Variants in GRIK2 observed in about 807,000 individuals in gnomAD.
GRIK2 encodes the protein glutamate ionotropic receptor kainate type subunit 2.
GRIK2 carries 32 observed loss-of-function variants against 100.3 expected under a neutral mutation model. The ratio of observed to expected loss-of-function variants is 0.32; its 90% CI spans 0.24 to 0.43. GRIK2 has a LOEUF of 0.43. Among genes scored for constraint, GRIK2 ranks in the 20% least tolerant of loss-of-function variants. GRIK2 has a pLI of 1.00. For synonymous variants in GRIK2, 417 were observed against 389.4 expected (o/e 1.07, Z -0.83); for missense variants, 843 against 1,114.9 (o/e 0.76, Z 3.47).
chr6:101,579,825 T>A (rs1777982641), intron 2 of GRIK2, among the ~76,000 whole-genome samples: 1 of 145,050 alleles, frequency 6.9e-6, no homozygotes, highest in Non-Finnish European at 1.5e-5. Flanking sequence ...AACTCCAACC[T>A]GGCAACAGAG....
At chr6:102,064,377 TCTTTCTTTC>T (rs1167231123) in intron 16 of GRIK2, among the ~76,000 whole-genome samples, 2 of 146,796 alleles carry the variant, frequency 1.4e-5, no homozygotes, top group East Asian at 3.9e-4. Context: ...TTTCTTTCTT[TCTTTCTTTC>T]CTTTCTCTCT....
intron 11 of GRIK2, among the ~76,000 whole-genome samples, chr6:101,871,788 A>C (rs1023363734): frequency 3.3e-5 from 5 of 151,978 alleles, no homozygotes; most frequent in African/African-American, 1.2e-4. Flanking sequence ...GTTGATGAGC[A>C]CCTGGGTTGA....
intron 7 of GRIK2, among the ~76,000 whole-genome samples, chr6:101,747,444 A>G (rs1246922702): frequency 2.6e-5 from 4 of 152,208 alleles, no homozygotes; most frequent in Non-Finnish European, 2.9e-5. Flanking sequence ...TCTACATAAA[A>G]TTTACTCATT....
At chr6:101,748,355 A>G (rs1212179587) in intron 7 of GRIK2, among the ~76,000 whole-genome samples, 15 of 152,172 alleles carry the variant, frequency 9.9e-5, no homozygotes, top group Non-Finnish European at 4.4e-5. Flanking sequence ...TAGTAGTGAT[A>G]AAATTTGTAT....
intron 4 of GRIK2, among the ~76,000 whole-genome samples, chr6:101,629,803 T>C (rs1780637348): frequency 6.6e-6 from 1 of 152,092 alleles, no homozygotes; most frequent in African/African-American, 2.4e-5. Context: ...TGGGTACAAC[T>C]GAACCAATCA....
chr6:101,735,151 C>A (rs570967342), intron 7 of GRIK2, among the ~76,000 whole-genome samples: 51 of 152,148 alleles, frequency 3.4e-4, no homozygotes, highest in South Asian at 2.9e-3. Flanking sequence ...GGTCTGAGGT[C>A]CAGAGGTGTA....
At chr6:101,920,210 G>A (rs372823682) in intron 12 of GRIK2, among the ~76,000 whole-genome samples, 4 of 151,820 alleles carry the variant, frequency 2.6e-5, no homozygotes, top group Non-Finnish European at 2.9e-5. Context: ...GTGGTTAAGC[G>A]TCTCTAATGA....
intron 7 of GRIK2, among the ~76,000 whole-genome samples, chr6:101,758,322 G>T (rs1167067428): frequency 6.6e-6 from 1 of 152,108 alleles, no homozygotes; most frequent in Non-Finnish European, 1.5e-5. Context: ...ATTTTTTTCA[G>T]TGTATTTCAG....
At chr6:101,722,691 T>C (rs2128366235) in intron 7 of GRIK2, among the ~76,000 whole-genome samples, 1 of 152,162 alleles carries the variant, frequency 6.6e-6, no homozygotes, top group Middle Eastern at 3.4e-3. Context: ...TTGAAATGTG[T>C]TTTTGTTAGG....
chr6:101,664,187 A>C (rs570960716), intron 4 of GRIK2, among the ~76,000 whole-genome samples: 11 of 152,176 alleles, frequency 7.2e-5, no homozygotes, highest in Non-Finnish European at 1.5e-4. Context: ...TGACAAATAC[A>C]ACTGCTTTTT....
chr6:101,626,445 G>A lies in GRIK2; in HGVS notation c.349G>A (p.Ala117Thr), dbSNP rs766548594. The change falls in exon 4 of 17, where the codon GCA (alanine) becomes ACA (threonine). Residue 117 changes from alanine to threonine, a missense_variant. Around this residue, in one of 3 missense-constraint regions of GRIK2, gnomAD observed 519 missense variants for 643.8 expected, o/e 0.81. Transcript: ENST00000369134. ...GCCTTCACACAGCTCATCAGCAAAC[G>A]CAGTGCAGTCCATCTGCAATGCTCT... is the stretch of plus-strand genomic sequence containing the variant. ...FGPSHSSSANAVQSICNALGV... is the reference protein window; with the variant it reads ...FGPSHSSSANTVQSICNALGV... 1.9e-6 allele frequency: 3 copies of A among 1,613,642 alleles called. No homozygotes were observed. The highest frequency in any genetic ancestry group is 2.2e-5 in the East Asian group (1 of 44,846).
intron 9 of GRIK2, among the ~76,000 whole-genome samples, chr6:101,817,242 A>G (rs537865478): frequency 1.3e-5 from 2 of 152,308 alleles, no homozygotes; most frequent in African/African-American, 4.8e-5. Context: ...AATTAACTCC[A>G]TATGAGGAAA....
At chr6:102,014,168 A>G (rs990608512) in intron 14 of GRIK2, among the ~76,000 whole-genome samples, 4 of 152,152 alleles carry the variant, frequency 2.6e-5, no homozygotes, top group African/African-American at 9.7e-5. Context: ...TGGAGGTTGT[A>G]TGTGTCCAGT....
chr6:101,688,400 C>T (rs1217516324), intron 7 of GRIK2, among the ~76,000 whole-genome samples: 4 of 151,720 alleles, frequency 2.6e-5, no homozygotes, highest in Non-Finnish European at 4.4e-5. Context: ...CACATCATCT[C>T]CCGAAATGAA....
intron 14 of GRIK2, among the ~76,000 whole-genome samples, chr6:101,959,383 A>C (rs1166840982): frequency 2.6e-5 from 4 of 152,128 alleles, no homozygotes; most frequent in Admixed American, 6.6e-5. Context: ...AGTGATACTC[A>C]TAGCAGTCTT....
intron 5 of GRIK2, among the ~76,000 whole-genome samples, chr6:101,678,879 C>G (rs1771037811): frequency 6.6e-6 from 1 of 152,262 alleles, no homozygotes; most frequent in East Asian, 1.9e-4. Context: ...TGAGCTTTTA[C>G]TAGGTATTGA....
At chr6:102,051,483 G>T (rs1771193182) in intron 15 of GRIK2, among the ~76,000 whole-genome samples, 1 of 152,100 alleles carries the variant, frequency 6.6e-6, no homozygotes, top group African/African-American at 2.4e-5. Context: ...AAAGATTAGA[G>T]ATTGAAATGA....
intron 2 of GRIK2, among the ~76,000 whole-genome samples, chr6:101,601,937 CCTGT>C (rs1486615743): frequency 4.0e-5 from 6 of 151,120 alleles, no homozygotes; most frequent in Non-Finnish European, 5.9e-5. Context: ...TTATTCAGTT[CCTGT>C]CTAATTATAG....
chr6:101,610,279 CA>C (rs1245557514), intron 2 of GRIK2, among the ~76,000 whole-genome samples: 2 of 151,524 alleles, frequency 1.3e-5, no homozygotes, highest in African/African-American at 4.8e-5. Context: ...TATCAAATTA[CA>C]TATGTAGATT....
Sources: gnomAD v4.1 joint callset for allele counts (sites outside exome capture counted in the v4.1 genomes callset) on GRCh38, gnomAD v4.1.1 for gene constraint, gnomAD v4.1.1 regional missense constraint, MANE v1.5 for transcripts, NCBI Gene and HGNC (gene_info 2026-07-23, HGNC 2026-07-21) for gene names.